PRICKLE1: variants seen among roughly 807,000 people sequenced by gnomAD.
PRICKLE1 encodes the protein prickle-like protein 1.
In PRICKLE1, 14 loss-of-function variants were observed where a neutral mutation model predicts 70.2. That is an observed-to-expected ratio of 0.20 (90% CI 0.13 to 0.31). PRICKLE1 has a LOEUF of 0.31. Among genes scored for constraint, PRICKLE1 ranks in the 10% least tolerant of loss-of-function variants. The probability of loss-of-function intolerance (pLI) is 1.00; values close to 1 mark genes in which losing one functional copy is unlikely to be tolerated. For synonymous variants in PRICKLE1, 357 were observed against 379.9 expected (o/e 0.94, Z 0.70); for missense variants, 821 against 1,026.2 (o/e 0.80, Z 2.73).
intron 1 of PRICKLE1, among the ~76,000 whole-genome samples, chr12:42,494,491 C>T (rs535191510): frequency 5.3e-5 from 8 of 152,254 alleles, no homozygotes; most frequent in Admixed American, 3.3e-4. Flanking sequence ...CAAGAAACCA[C>T]TTTCTTTGCT....
intron 1 of PRICKLE1, among the ~76,000 whole-genome samples, chr12:42,493,856 TAA>T (rs201413394): frequency 3.0e-4 from 24 of 80,606 alleles, no homozygotes; most frequent in Non-Finnish European, 3.3e-4. Context: ...AGACCGTGTC[TAA>T]AAAAAAAAAA....
At chr12:42,571,874 C>G (rs1021872460) in intron 1 of PRICKLE1, among the ~76,000 whole-genome samples, 1 of 152,212 alleles carries the variant, frequency 6.6e-6, no homozygotes, top group Non-Finnish European at 1.5e-5. Flanking sequence ...ACATCTTTCA[C>G]TTTCCTTTTC....
intron 1 of PRICKLE1, among the ~76,000 whole-genome samples, chr12:42,535,148 A>G (rs1472816665): frequency 6.6e-6 from 1 of 152,164 alleles, no homozygotes; most frequent in African/African-American, 2.4e-5. Context: ...ACATCAGCTC[A>G]ATTCTGGAAC....
chr12:42,471,627 C>T (rs970461129), intron 2 of PRICKLE1, among the ~76,000 whole-genome samples: 1 of 152,146 alleles, frequency 6.6e-6, no homozygotes, highest in Non-Finnish European at 1.5e-5. Flanking sequence ...TCTCATAAAA[C>T]GTCCCACCCT....
intron 1 of PRICKLE1, among the ~76,000 whole-genome samples, chr12:42,578,755 A>G (rs911094131): frequency 2.6e-5 from 4 of 151,014 alleles, no homozygotes; most frequent in Non-Finnish European, 5.9e-5. Context: ...TTATTTATTT[A>G]TTTATTTATT....
chr12:42,579,877 TA>T lies in PRICKLE1; in HGVS notation c.-49+9587del, dbSNP rs527605768. Among the ~76,000 whole-genome samples the T allele has an allele frequency of 8.2e-3, 1,243 of 151,778 alleles. 21 individuals carry two copies. The highest frequency in any genetic ancestry group is 0.028 in the African/African-American group (1,168 of 41,200). On this transcript the variant is annotated intron_variant, in intron 1 of 7. Coordinates refer to ENST00000345127, the MANE Select transcript of PRICKLE1 (RefSeq NM_153026.3). The stretch of plus-strand genomic sequence containing the variant: ...TATTTTTTTGAGATGGAGTTTATAT[TA>T]TTTTTTTTTTTGAGATAGGTTTTGC...
At chr12:42,495,425 C>T (rs1014368158) in intron 1 of PRICKLE1, among the ~76,000 whole-genome samples, 1 of 146,960 alleles carries the variant, frequency 6.8e-6, no homozygotes, top group Non-Finnish European at 1.5e-5. Context: ...AGAGGTGTTG[C>T]GTCACCTCAC....
intron 7 of PRICKLE1, among the ~76,000 whole-genome samples, chr12:42,461,266 C>G (rs17091226): frequency 0.069 from 10,453 of 152,258 alleles, 395 homozygotes; most frequent in East Asian, 0.12. Flanking sequence ...ACTTTAAGAG[C>G]TCTTCACAGC....
intron 1 of PRICKLE1, among the ~76,000 whole-genome samples, chr12:42,562,241 A>G (rs1566127719): frequency 6.6e-6 from 1 of 152,164 alleles, no homozygotes; most frequent in Non-Finnish European, 1.5e-5. Context: ...CAAAAGGCAA[A>G]GATATCTTAT....
chr12:42,566,779 C>T (rs1940627406), intron 1 of PRICKLE1, among the ~76,000 whole-genome samples: 1 of 152,162 alleles, frequency 6.6e-6, no homozygotes, highest in Admixed American at 6.5e-5. Flanking sequence ...TGGACAGTGA[C>T]TCTCACTGGG....
At chr12:42,585,162 AG>A (rs1196943493) in intron 1 of PRICKLE1, among the ~76,000 whole-genome samples, 1 of 152,180 alleles carries the variant, frequency 6.6e-6, no homozygotes, top group Non-Finnish European at 1.5e-5. Context: ...AGGCTCACTT[AG>A]GACCAAACTT....
chr12:42,521,133 T>C (rs1939702570), intron 1 of PRICKLE1, among the ~76,000 whole-genome samples: 1 of 152,028 alleles, frequency 6.6e-6, no homozygotes, highest in African/African-American at 2.4e-5. Context: ...ATTGCGCCAC[T>C]GCACTGCACT....
At chr12:42,490,130 G>A (rs1479604750) in intron 1 of PRICKLE1, 1 of 152,154 alleles carries the variant, frequency 6.6e-6, no homozygotes, top group African/African-American at 2.4e-5. Context: ...GGTGATTATA[G>A]GAATATTTGA....
chr12:42,531,043 CTTTTTTTTTT>C (rs141334021), intron 1 of PRICKLE1, among the ~76,000 whole-genome samples: 4 of 100,138 alleles, frequency 4.0e-5, no homozygotes, highest in East Asian at 2.9e-4. Flanking sequence ...ATGTTAAGGG[CTTTTTTTTTT>C]TTTTTTTTTT....
At chr12:42,530,961 G>C (rs1309605922) in intron 1 of PRICKLE1, among the ~76,000 whole-genome samples, 1 of 150,878 alleles carries the variant, frequency 6.6e-6, no homozygotes, top group African/African-American at 2.4e-5. Flanking sequence ...ATAAGCCACC[G>C]TGCCCAGCCA....
intron 1 of PRICKLE1, among the ~76,000 whole-genome samples, chr12:42,516,430 C>A (rs890828518): frequency 6.6e-6 from 1 of 152,148 alleles, no homozygotes; most frequent in Non-Finnish European, 1.5e-5. Context: ...CCGTGCCTGG[C>A]TTCTTCTTTC....
chr12:42,534,634 G>C (rs1451961208), intron 1 of PRICKLE1, among the ~76,000 whole-genome samples: 1 of 152,194 alleles, frequency 6.6e-6, no homozygotes, highest in East Asian at 1.9e-4. Flanking sequence ...AAGGCAGCAT[G>C]CCTTGAAAAG....
intron 1 of PRICKLE1, among the ~76,000 whole-genome samples, chr12:42,490,843 CTT>C (rs2140170223): frequency 6.6e-6 from 1 of 152,182 alleles, no homozygotes; most frequent in Admixed American, 6.5e-5. Context: ...AACTGAAGGA[CTT>C]ATATTTCTAA....
At chr12:42,493,684 G>C (rs960545886) in intron 1 of PRICKLE1, among the ~76,000 whole-genome samples, 5 of 151,916 alleles carry the variant, frequency 3.3e-5, no homozygotes, top group South Asian at 2.1e-4. Context: ...TTACGTATTA[G>C]ATCTTTCTAT....
Sources: gnomAD v4.1 joint callset for allele counts (sites outside exome capture counted in the v4.1 genomes callset) on GRCh38, gnomAD v4.1.1 for gene constraint, MANE v1.5 for transcripts, NCBI Gene and HGNC (gene_info 2026-07-23, HGNC 2026-07-21) for gene names.